Variants in SATL1 observed in about 807,000 individuals in gnomAD.
The protein encoded by SATL1 is spermidine/spermine N(1)-acetyltransferase-like protein 1.
In SATL1, 47 loss-of-function variants were observed where a neutral mutation model predicts 51.8. The ratio of observed to expected loss-of-function variants is 0.91; its 90% CI spans 0.72 to 1.16. The LOEUF (loss-of-function observed/expected upper bound fraction) is 1.16. SATL1 is among the 50% of genes most tolerant of loss of function. The pLI is 0.00. For missense variants in SATL1, 520 were observed against 526.4 expected (o/e 0.99, Z 0.12); for synonymous variants, 176 against 182.4 (o/e 0.97, Z 0.28).
intron 2 of SATL1, among the ~76,000 whole-genome samples, chrX:85,159,374 A>G (rs912596880): frequency 1.8e-5 from 2 of 111,787 alleles, no homozygotes; most frequent in African/African-American, 6.5e-5. Context: ...GATTAGTGGC[A>G]GCATTAGATT....
intron 2 of SATL1, among the ~76,000 whole-genome samples, chrX:85,114,970 C>T (rs902731015): frequency 2.7e-5 from 3 of 111,709 alleles, no homozygotes; most frequent in Non-Finnish European, 5.6e-5. Flanking sequence ...TTTTAAATAA[C>T]TGCCACAAGG....
intron 2 of SATL1, among the ~76,000 whole-genome samples, chrX:85,132,498 A>T (rs1925834294): frequency 8.9e-6 from 1 of 111,766 alleles, no homozygotes; most frequent in South Asian, 3.8e-4. Flanking sequence ...TTTCAGCTCC[A>T]TCAGGTCATT....
At chrX:85,211,571 C>T (rs1189930704) in intron 2 of SATL1, 1 of 111,425 alleles carries the variant, frequency 9.0e-6, no homozygotes, top group Admixed American at 9.6e-5. Flanking sequence ...TTCTGTGTTT[C>T]CTCTAGAGAT....
rs140191159 is a variant in SATL1 at position 85,103,672 on chromosome X, C to T, written c.1693+192G>A. ...TATTGGAGCTGTAAAGGTGTAAGAG[C>T]TCTTAAGTATCATTTTTGTACTAAA... On this transcript the variant is annotated intron_variant, in intron 4 of 7. Transcript: ENST00000644105. Among the ~76,000 whole-genome samples the T allele has an allele frequency of 6.0e-3, 668 of 111,597 alleles. 4 individuals carry two copies. Among genetic ancestry groups the T allele is most frequent in the African/African-American group, 0.021 (634 of 30,821 alleles).
intron 3 of SATL1, among the ~76,000 whole-genome samples, chrX:85,105,131 G>T (rs1323023390): frequency 1.8e-5 from 2 of 111,538 alleles, no homozygotes; most frequent in Non-Finnish European, 3.8e-5. Context: ...GACTGGAATT[G>T]CATTAAACTT....
At chrX:85,142,330 A>T (rs763439408) in intron 2 of SATL1, among the ~76,000 whole-genome samples, 5 of 102,022 alleles carry the variant, frequency 4.9e-5, no homozygotes, top group African/African-American at 1.8e-4. Context: ...CGGGAGGAAG[A>T]GTTTGCAGTG....
At chrX:85,183,226 C>A (rs969350032) in intron 2 of SATL1, among the ~76,000 whole-genome samples, 5 of 110,356 alleles carry the variant, frequency 4.5e-5, no homozygotes, top group Non-Finnish European at 7.6e-5. Context: ...ATTTAGGTCT[C>A]TCTTCCATTT....
chrX:85,123,356 G>A (rs1925549204), intron 2 of SATL1, among the ~76,000 whole-genome samples: 1 of 110,840 alleles, frequency 9.0e-6, no homozygotes, highest in African/African-American at 3.3e-5. Flanking sequence ...TAGCCATTCT[G>A]ACTGGTGTGA....
At chrX:85,138,691 C>G (rs1217985079) in intron 2 of SATL1, among the ~76,000 whole-genome samples, 1 of 111,122 alleles carries the variant, frequency 9.0e-6, no homozygotes, top group Non-Finnish European at 1.9e-5. Flanking sequence ...GAAGTGGGTT[C>G]AAGATAGAAT....
At chrX:85,164,408 A>G (rs1926787481) in intron 2 of SATL1, among the ~76,000 whole-genome samples, 1 of 111,969 alleles carries the variant, frequency 8.9e-6, no homozygotes, top group African/African-American at 3.3e-5. Context: ...AACTGCTTTT[A>G]GCAACTCTTG....
At chrX:85,222,871 C>A (rs1331254293) in intron 2 of SATL1, among the ~76,000 whole-genome samples, 2 of 111,747 alleles carry the variant, frequency 1.8e-5, no homozygotes, top group Non-Finnish European at 3.8e-5. Context: ...AGGAGAGAAT[C>A]TTTTTACTGA....
intron 4 of SATL1, among the ~76,000 whole-genome samples, chrX:85,103,302 T>C (rs1291452948): frequency 9.0e-6 from 1 of 111,705 alleles, no homozygotes; most frequent in Non-Finnish European, 1.9e-5. Context: ...TCTCAGTTTA[T>C]TACATGCATT....
rs60077558 is a variant in SATL1, at chrX:85,166,941, A to ATGTG, written c.-313+57260_-313+57263dup. 7.6e-3 allele frequency among the ~76,000 whole-genome samples: 589 copies of ATGTG among 77,554 alleles called. 3 individuals are homozygous for ATGTG. Among genetic ancestry groups the ATGTG allele is most frequent in the African/African-American group, 0.014 (329 of 22,765 alleles). The allele number at this position is 77,554 out of a possible 115,157, so 67.3% of individuals were successfully genotyped here. A position where few individuals can be genotyped will look rare whatever the true frequency, so the allele number is the denominator to read the frequency against. On this transcript the variant is annotated intron_variant, in intron 2 of 7. Coordinates refer to ENST00000644105, the MANE Select transcript of SATL1 (RefSeq NM_001367857.2). ...TATATATATATATATATATATGTGTATGTGTGTGTGTGTGTGTGTGTGTGT... is the reference window on the plus strand; with the variant it reads ...TATATATATATATATATATATGTGTATGTGTGTGTGTGTGTGTGTGTGTGTGTGT...
chrX:85,152,690 C>T (rs1459623243), intron 2 of SATL1, among the ~76,000 whole-genome samples: 4 of 111,302 alleles, frequency 3.6e-5, no homozygotes, highest in African/African-American at 9.8e-5. Context: ...AATTGGAAAT[C>T]ATCATTCTCA....
At chrX:85,171,590 G>A (rs1356786872) in intron 2 of SATL1, among the ~76,000 whole-genome samples, 2 of 111,185 alleles carry the variant, frequency 1.8e-5, no homozygotes, top group African/African-American at 6.5e-5. Context: ...CTCACATTCA[G>A]GAACTTTGTC....
intron 2 of SATL1, among the ~76,000 whole-genome samples, chrX:85,127,530 A>C (rs1207864159): frequency 9.0e-6 from 1 of 111,611 alleles, no homozygotes; most frequent in Non-Finnish European, 1.9e-5. Flanking sequence ...TTACAATTTT[A>C]ATCCTTTGTG....
rs1262710165 is a variant in SATL1 at position 85,107,578 on chromosome X, G to C, written c.1391C>G (p.Ser464Ter). ...GCTCATGCCTGTTTGGTTCTTACTT[G>C]ATTGGCTAGTGCCTGGTTGTCTCAT... is the stretch of plus-strand genomic sequence containing the variant. ...LGMRQPGTSQ[S>*]SKNQTGMSHP... Residue 464 changes from serine to a stop codon, truncating the protein, a stop_gained, in exon 3 of 8, where the codon TCA becomes TGA. Coordinates refer to ENST00000644105, the MANE Select transcript of SATL1 (RefSeq NM_001367857.2). LOFTEE classifies it high-confidence loss of function. 5.8e-6 allele frequency: 7 copies of C among 1,211,084 alleles called. No individual in the cohort carries two copies. In the African/African-American group the frequency reaches 1.0e-4, roughly 18 times the overall value.
At chrX:85,151,982 A>C (rs1299376225) in intron 2 of SATL1, among the ~76,000 whole-genome samples, 22 of 110,124 alleles carry the variant, frequency 2.0e-4, no homozygotes, top group Non-Finnish European at 1.3e-4. Context: ...TAATTAAACT[A>C]AAGAGCTTCT....
At chrX:85,200,388 T>C (rs190789752) in intron 2 of SATL1, among the ~76,000 whole-genome samples, 6 of 112,449 alleles carry the variant, frequency 5.3e-5, no homozygotes, top group African/African-American at 1.9e-4. Context: ...AGATATAACT[T>C]GCCAATCACT....
Sources: gnomAD v4.1 joint callset for allele counts (sites outside exome capture counted in the v4.1 genomes callset) on GRCh38, gnomAD v4.1.1 for gene constraint, MANE v1.5 for transcripts, NCBI Gene and HGNC (gene_info 2026-07-23, HGNC 2026-07-21) for gene names.